Variants in TRAPPC9 observed in about 807,000 individuals in gnomAD.
TRAPPC9 encodes IKK2 binding protein.
TRAPPC9 carries 83 observed loss-of-function variants against 124.0 expected under a neutral mutation model. The observed-to-expected ratio is 0.67, with a 90% confidence interval of 0.56 to 0.80. The LOEUF is 0.80. TRAPPC9 is among the 30% of genes least tolerant of loss of function. TRAPPC9 has a pLI of 0.00. For synonymous variants in TRAPPC9, 638 were observed against 617.5 expected, an observed-to-expected ratio of 1.03 and a Z score of -0.49; for missense variants, 1,302 against 1,508.3, an observed-to-expected ratio of 0.86 and a Z score of 2.27.
In TRAPPC9 at chr8:139,742,592, T is replaced by C. The variant is rs774475108; in HGVS notation, c.3056-10390A>G. Among the ~76,000 whole-genome samples the C allele has an allele frequency of 1.4e-4, 21 of 152,090 alleles. No individual in the cohort carries two copies. Among genetic ancestry groups the C allele is most frequent in the Admixed American group, 5.2e-4 (8 of 15,278 alleles). ...CAGGACCCAAACTTTGGGCAAGCTA[T>C]GGACCCAGAACACGGCCACGGGCAG... On this transcript the variant is annotated intron_variant, in intron 21 of 22. Transcript: ENST00000438773. This position sits in a 1 kb window ranked among gnomAD's most constrained non-coding sequence, Gnocchi z 4.7.
At chr8:140,077,512 G>C (rs1323870522) in intron 17 of TRAPPC9, among the ~76,000 whole-genome samples, 1 of 152,088 alleles carries the variant, frequency 6.6e-6, no homozygotes, top group Admixed American at 6.5e-5. Flanking sequence ...AGAGATCCCA[G>C]CCTGAGCCCC....
chr8:139,974,243 TAGG>T (rs891054396), intron 19 of TRAPPC9, among the ~76,000 whole-genome samples: 7 of 152,298 alleles, frequency 4.6e-5, no homozygotes, highest in Admixed American at 4.6e-4. Context: ...TGTGCGCTTC[TAGG>T]AGAACAAGTT....
At chr8:140,437,515 T>C (rs2070860555) in intron 3 of TRAPPC9, among the ~76,000 whole-genome samples, 1 of 152,092 alleles carries the variant, frequency 6.6e-6, no homozygotes, top group African/African-American at 2.4e-5. Flanking sequence ...TCCCAGCTAC[T>C]CGGAAGGCTG....
intron 9 of TRAPPC9, among the ~76,000 whole-genome samples, chr8:140,335,399 T>C (rs2067008235): frequency 6.6e-6 from 1 of 152,122 alleles, no homozygotes; most frequent in South Asian, 2.1e-4. Context: ...AGGCAATTAA[T>C]AGGATACAGG....
At chr8:140,311,967 C>A (rs1008346058) in intron 9 of TRAPPC9, among the ~76,000 whole-genome samples, 1 of 152,194 alleles carries the variant, frequency 6.6e-6, no homozygotes, top group Non-Finnish European at 1.5e-5. Context: ...TCTAGACAGG[C>A]CACGGACACA....
chr8:139,943,389 T>C (rs1352736949), intron 19 of TRAPPC9, among the ~76,000 whole-genome samples: 2 of 152,132 alleles, frequency 1.3e-5, no homozygotes, highest in Non-Finnish European at 1.5e-5. Flanking sequence ...TCAATTACAG[T>C]CCAACAAAGA....
At chr8:140,044,102 G>A (rs1456543755) in intron 17 of TRAPPC9, among the ~76,000 whole-genome samples, 4 of 152,102 alleles carry the variant, frequency 2.6e-5, no homozygotes, top group East Asian at 3.9e-4. Flanking sequence ...CCCTGAAGAC[G>A]TGCCAAGGTA....
At position 139,884,448 on chromosome 8, in the gene TRAPPC9, G is replaced by C. The variant is rs1375829412; in HGVS notation, c.3055+1431C>G. On this transcript the variant is annotated intron_variant, in intron 21 of 22. Coordinates refer to ENST00000438773, the MANE Select transcript of TRAPPC9 (RefSeq NM_001160372.4). ...CCCACCCCAAGTCACTCTGTTCTTT[G>C]CTCTTGGGCCCCTGTTCTGCCTGTG... is the stretch of plus-strand genomic sequence containing the variant. Among the ~76,000 whole-genome samples, 8 of 152,168 alleles carry C rather than the reference G, an allele frequency of 5.3e-5. No individual in the cohort carries two copies. In the East Asian group the frequency reaches 1.5e-3, roughly 29 times the overall value.
At chr8:139,982,526 G>A (rs1426356220) in intron 19 of TRAPPC9, among the ~76,000 whole-genome samples, 3 of 152,188 alleles carry the variant, frequency 2.0e-5, no homozygotes, top group African/African-American at 7.2e-5. Flanking sequence ...ACAGGGTTCC[G>A]AATGTCATGA....
chr8:140,420,445 A>G (rs149396433), intron 5 of TRAPPC9, among the ~76,000 whole-genome samples: 3,037 of 152,224 alleles, frequency 0.02, 53 homozygotes, highest in Middle Eastern at 0.082. Flanking sequence ...AATTCAGAAG[A>G]CTTACACTTC....
chr8:139,814,801 G>A (rs1412454620), intron 21 of TRAPPC9, among the ~76,000 whole-genome samples: 1 of 152,220 alleles, frequency 6.6e-6, no homozygotes, highest in African/African-American at 2.4e-5. Flanking sequence ...ACTCCCAGAA[G>A]GTGCCAAAGA....
At chr8:140,229,251 C>CTTTTTTTTTTTTTTT (rs528175891) in intron 16 of TRAPPC9, among the ~76,000 whole-genome samples, 13 of 99,796 alleles carry the variant, frequency 1.3e-4, no homozygotes, top group East Asian at 3.2e-4. Flanking sequence ...TTTTCTTTTT[C>CTTTTTTTTTTTTTTT]TTTTTTTTTT....
chr8:140,085,903 T>C (rs535208542), intron 17 of TRAPPC9, among the ~76,000 whole-genome samples: 168 of 150,440 alleles, frequency 1.1e-3, no homozygotes, highest in Non-Finnish European at 1.6e-3. Flanking sequence ...AACTCTCCCC[T>C]AAGCCTATAG....
intron 22 of TRAPPC9, 138 bp from the exon 23 acceptor site, chr8:139,731,366 C>T (rs575676500): frequency 5.3e-6 from 5 of 951,872 alleles, no homozygotes; most frequent in South Asian, 4.2e-5. Context: ...CCAGTGCCCC[C>T]TCCAGCAGGT....
At chr8:140,404,765 T>G (rs1399893442) in intron 6 of TRAPPC9, among the ~76,000 whole-genome samples, 2 of 149,912 alleles carry the variant, frequency 1.3e-5, no homozygotes, top group Non-Finnish European at 3.0e-5. Context: ...TACGTGCATG[T>G]GTGTGCGTGT....
At chr8:139,796,410 G>A (rs1823100385) in intron 21 of TRAPPC9, among the ~76,000 whole-genome samples, 1 of 152,100 alleles carries the variant, frequency 6.6e-6, no homozygotes, top group Non-Finnish European at 1.5e-5. Flanking sequence ...TGCATCAGAC[G>A]CCTCCCCATC....
rs1489727596 is a variant in TRAPPC9 at position 140,353,637 on chromosome 8, T to C, written c.1495+6413A>G. Reference sequence around the variant, plus strand: ...GAAACGGCCAGCGCAAGGATGACCATCAGGCCGCGGGCCAGACCTGGTCCA... The same window carrying C: ...GAAACGGCCAGCGCAAGGATGACCACCAGGCCGCGGGCCAGACCTGGTCCA... On this transcript the variant is annotated intron_variant, in intron 9 of 22. Transcript: ENST00000438773. The surrounding 1 kb of genome is among the most constrained non-coding windows in gnomAD (Gnocchi z 4.2). 6.6e-6 allele frequency among the ~76,000 whole-genome samples: 1 copy of C among 152,200 alleles called. No individual in the cohort carries two copies. The highest frequency in any genetic ancestry group is 1.5e-5 in the Non-Finnish European group (1 of 68,034).
chr8:140,389,355 T>C (rs1336036416), intron 7 of TRAPPC9, among the ~76,000 whole-genome samples: 2 of 152,184 alleles, frequency 1.3e-5, no homozygotes, highest in Non-Finnish European at 2.9e-5. Flanking sequence ...AAGTATATTA[T>C]ACATTACAAA....
chr8:140,356,770 C>T (rs193180478), intron 9 of TRAPPC9, among the ~76,000 whole-genome samples: 6 of 152,036 alleles, frequency 3.9e-5, no homozygotes, highest in South Asian at 4.2e-4. Context: ...CCACCTCGCC[C>T]GGTTAATCTT....
Sources: allele counts gnomAD v4.1 joint callset (sites outside exome capture counted in the v4.1 genomes callset), GRCh38; gene constraint gnomAD v4.1.1; non-coding constraint Gnocchi (gnomAD v3.1); transcripts MANE v1.5; gene names NCBI Gene and HGNC (gene_info 2026-07-23, HGNC 2026-07-21).